Variants in TBL1XR1 observed in about 807,000 individuals in gnomAD.
TBL1XR1 encodes the protein TBL1X/Y related 1.
TBL1XR1 carries 5 observed loss-of-function variants against 66.9 expected under a neutral mutation model. The observed-to-expected ratio is 0.07, with a 90% confidence interval of 0.04 to 0.16. The LOEUF is 0.16. Ranked by LOEUF, TBL1XR1 falls within the 10% of genes least tolerant of loss-of-function variation. TBL1XR1 has a pLI of 1.00. For synonymous variants in TBL1XR1, 210 were observed against 206.0 expected (o/e 1.02, Z -0.17); for missense variants, 238 against 623.2 (o/e 0.38, Z 6.58).
intron 1 of TBL1XR1, among the ~76,000 whole-genome samples, chr3:177,172,649 A>AGAG (rs1560260437): frequency 3.9e-4 from 19 of 48,678 alleles, no homozygotes; most frequent in African/African-American, 9.5e-4. Context: ...GAGAGAGAGA[A>AGAG]AGAGAGAGAG....
intron 2 of TBL1XR1, among the ~76,000 whole-genome samples, chr3:177,071,736 A>G (rs1443078649): frequency 1.3e-5 from 2 of 152,228 alleles, no homozygotes; most frequent in Non-Finnish European, 2.9e-5. Flanking sequence ...GCACTCACAC[A>G]CAACCCAGCT....
chr3:177,076,800 T>C (rs1295972755), intron 2 of TBL1XR1, among the ~76,000 whole-genome samples: 2 of 152,228 alleles, frequency 1.3e-5, no homozygotes, highest in African/African-American at 4.8e-5. Flanking sequence ...GCTGTAGAGG[T>C]TGAATGTATT....
intron 14 of TBL1XR1, chr3:177,032,383 A>G (rs1003644529): frequency 1.3e-5 from 2 of 152,258 alleles, no homozygotes; most frequent in African/African-American, 2.4e-5. Context: ...TTATGTGTGC[A>G]CTACAACCAA....
intron 1 of TBL1XR1, among the ~76,000 whole-genome samples, chr3:177,138,500 G>A (rs1204972124): frequency 6.6e-6 from 1 of 152,020 alleles, no homozygotes; most frequent in Non-Finnish European, 1.5e-5. Context: ...GCTGAGGTGA[G>A]AGGATCACTT....
chr3:177,186,053 C>T (rs923112605), intron 1 of TBL1XR1, among the ~76,000 whole-genome samples: 2 of 152,110 alleles, frequency 1.3e-5, no homozygotes, highest in African/African-American at 4.8e-5. Flanking sequence ...AGGAACACTT[C>T]ACATCTCTCA....
intron 9 of TBL1XR1, among the ~76,000 whole-genome samples, chr3:177,046,565 A>G (rs1304310003): frequency 1.3e-5 from 2 of 152,194 alleles, no homozygotes; most frequent in African/African-American, 4.8e-5. Flanking sequence ...CTCAATACTG[A>G]AAGATTCTGA....
intron 1 of TBL1XR1, among the ~76,000 whole-genome samples, chr3:177,121,946 G>GA (rs1410937948): frequency 6.6e-6 from 1 of 152,078 alleles, no homozygotes; most frequent in African/African-American, 2.4e-5. Flanking sequence ...GAATGGGATT[G>GA]AAAGAATCAC....
At chr3:177,050,634 C>T (rs1017259207) in intron 5 of TBL1XR1, 24 bp from the exon 6 acceptor site, 14 of 1,612,794 alleles carry the variant, frequency 8.7e-6, no homozygotes, top group Non-Finnish European at 1.2e-5. Context: ...CACAAGTAAG[C>T]ATTTCCAGTT....
At chr3:177,064,428 T>G (rs1202908135) in intron 3 of TBL1XR1, among the ~76,000 whole-genome samples, 1 of 152,214 alleles carries the variant, frequency 6.6e-6, no homozygotes, top group East Asian at 1.9e-4. Flanking sequence ...GCAAATGGCT[T>G]TCAATGATTT....
At chr3:177,094,216 G>GA (rs573788613) in intron 2 of TBL1XR1, among the ~76,000 whole-genome samples, 89 of 151,896 alleles carry the variant, frequency 5.9e-4, no homozygotes, top group African/African-American at 1.9e-3. Flanking sequence ...CAACAAACAT[G>GA]AAAAAAATAC....
In TBL1XR1 at chr3:177,054,081, CGT is replaced by C. The variant is rs748978933; in HGVS notation, c.59-165_59-164del. Among the ~76,000 whole-genome samples, 243 of 150,368 alleles carry C rather than the reference CGT, an allele frequency of 1.6e-3. 1 individual carries two copies. The highest frequency in any genetic ancestry group is 1.3e-3 in the Non-Finnish European group (89 of 67,702). On this transcript the variant is annotated intron_variant, in intron 3 of 15. Transcript: ENST00000457928. ...GTGTGTGTGTGTGTGTGTGCGCGCG[CGT>C]GTGTGTGCATGTAAACATGTCAGCC... is the stretch of plus-strand genomic sequence containing the variant.
At chr3:177,137,357 T>G (rs1408392695) in intron 1 of TBL1XR1, among the ~76,000 whole-genome samples, 3 of 151,614 alleles carry the variant, frequency 2.0e-5, no homozygotes, top group African/African-American at 7.3e-5. Context: ...CAGGGCGTGG[T>G]GGTGTGTGCC....
rs13065166 is a variant in TBL1XR1 at position 177,024,359 on chromosome 3, A to T, written c.*1139T>A. On this transcript the variant is annotated 3_prime_UTR_variant, in exon 16 of 16. Transcript: ENST00000457928. ...CGTTATCTTGCTTTGTATAAAGAAA[A>T]CAACATGAGAGATTTTTAATACTGG... The T allele has an allele frequency of 6.6e-6, 1 of 152,214 alleles. No individual in the cohort carries two copies. Among genetic ancestry groups the T allele is most frequent in the Non-Finnish European group, 1.5e-5 (1 of 68,006 alleles). 9.4% of individuals were successfully genotyped at this position (152,214 alleles called of 1,614,324 possible). A position where few individuals can be genotyped will look rare whatever the true frequency, so the allele number is the denominator to read the frequency against.
intron 2 of TBL1XR1, among the ~76,000 whole-genome samples, chr3:177,074,464 C>A (rs565806474): frequency 1.3e-5 from 2 of 152,170 alleles, no homozygotes; most frequent in African/African-American, 2.4e-5. Context: ...GCTCTCCCTA[C>A]GCTTCTATCA....
intron 1 of TBL1XR1, among the ~76,000 whole-genome samples, chr3:177,104,478 T>C (rs1447572423): frequency 6.6e-6 from 1 of 152,090 alleles, no homozygotes; most frequent in East Asian, 1.9e-4. Flanking sequence ...GAATTACACA[T>C]ACAGATAATA....
chr3:177,192,373 CAACA>C (rs1217157052), intron 1 of TBL1XR1, among the ~76,000 whole-genome samples: 30 of 130,118 alleles, frequency 2.3e-4, no homozygotes, highest in African/African-American at 7.1e-4. Flanking sequence ...CCAACCTGGG[CAACA>C]AACAAAGTGA....
In TBL1XR1 at chr3:177,063,949, C is replaced by T. The variant is rs149420023; in HGVS notation, c.58+971G>A. 1.7e-3 allele frequency among the ~76,000 whole-genome samples: 261 copies of T among 152,238 alleles called. 2 individuals carry two copies. The highest frequency in any genetic ancestry group is 0.012 in the East Asian group (64 of 5,176). On this transcript the variant is annotated intron_variant, in intron 3 of 15. Coordinates refer to ENST00000457928, the MANE Select transcript of TBL1XR1 (RefSeq NM_024665.7). Reference sequence around the variant, plus strand: ...TCTCAGCAAGCAACAGGCTCTCAGACCGAAAGCCATGTTTGTATTCCTTGC... The same window carrying T: ...TCTCAGCAAGCAACAGGCTCTCAGATCGAAAGCCATGTTTGTATTCCTTGC...
intron 1 of TBL1XR1, among the ~76,000 whole-genome samples, chr3:177,101,816 C>CGAAT (rs1265651784): frequency 2.0e-5 from 3 of 152,254 alleles, no homozygotes; most frequent in Admixed American, 6.5e-5. Flanking sequence ...GGAAACAGAA[C>CGAAT]GAATGAATGA....
intron 1 of TBL1XR1, among the ~76,000 whole-genome samples, chr3:177,115,739 CAAG>C (rs1726229832): frequency 6.6e-6 from 1 of 152,260 alleles, no homozygotes; most frequent in African/African-American, 2.4e-5. Context: ...AGTTTTGAAG[CAAG>C]AAGTAGTAAT....
Sources: gnomAD v4.1 joint callset for allele counts (sites outside exome capture counted in the v4.1 genomes callset) on GRCh38, gnomAD v4.1.1 for gene constraint, MANE v1.5 for transcripts, NCBI Gene and HGNC (gene_info 2026-07-23, HGNC 2026-07-21) for gene names.